HS3ST1: variants seen among roughly 807,000 people sequenced by gnomAD.
HS3ST1 encodes heparan sulfate glucosamine 3-O-sulfotransferase 1.
HS3ST1 carries 8 observed loss-of-function variants against 20.7 expected under a neutral mutation model. The ratio of observed to expected loss-of-function variants is 0.39; its 90% CI spans 0.23 to 0.70. HS3ST1 has a LOEUF of 0.70. Among genes scored for constraint, HS3ST1 ranks in the 30% least tolerant of loss-of-function variants. HS3ST1 has a pLI of 0.46. For synonymous variants in HS3ST1, 205 were observed against 190.4 expected (o/e 1.08, Z -0.63); for missense variants, 436 against 423.4 (o/e 1.03, Z -0.26).
chr4:11,398,787 T>C lies in HS3ST1; in HGVS notation c.*295A>G, dbSNP rs1463350462. On this transcript the variant is annotated 3_prime_UTR_variant, in exon 2 of 2. Transcript: ENST00000002596. ...CAAGTTAATTATATTCAAAAAAACATAGCGTCTCCAGAAAAAATCTTTTTT... is the reference window on the plus strand; with the variant it reads ...CAAGTTAATTATATTCAAAAAAACACAGCGTCTCCAGAAAAAATCTTTTTT... 6 of 226,460 alleles carry C rather than the reference T, an allele frequency of 2.6e-5. No homozygotes were observed. The highest frequency in any genetic ancestry group is 9.7e-5 in the East Asian group (1 of 10,302). 14.0% of individuals were successfully genotyped at this position (226,460 alleles called of 1,614,324 possible).
chr4:11,432,018 A>C (rs1719215148), upstream of HS3ST1, among the ~76,000 whole-genome samples: 1 of 152,212 alleles, frequency 6.6e-6, no homozygotes. Flanking sequence ...TCATTAGAGC[A>C]CTAGAGGAGG....
intron 1 of HS3ST1, among the ~76,000 whole-genome samples, chr4:11,410,908 A>C (rs1369790859): frequency 6.6e-6 from 1 of 152,010 alleles, no homozygotes; most frequent in Admixed American, 6.6e-5. Flanking sequence ...TAAATAAATA[A>C]ATAAATAAAT....
At chr4:11,420,305 A>C (rs1172456336) in intron 1 of HS3ST1, among the ~76,000 whole-genome samples, 1 of 152,258 alleles carries the variant, frequency 6.6e-6, no homozygotes, top group African/African-American at 2.4e-5. Context: ...CAACATTTTC[A>C]CAGCCCTCCT....
rs202015819 is a variant in HS3ST1, at chr4:11,399,414, C to T, written c.592G>A (p.Val198Met). Residue 198 changes from valine (V) to methionine (M), a missense_variant, in exon 2 of 2, where the codon GTG (valine) becomes ATG (methionine). Physicochemically the swap from Val to Met is conservative, Grantham distance 21 (BLOSUM62 1). Transcript: ENST00000002596. The surrounding 1 kb of genome is among the most constrained non-coding windows in gnomAD (Gnocchi z 5.1). Reference protein sequence around the residue: ...YKALNRSLYHVHMQNWLRFFP... With the variant: ...YKALNRSLYHMHMQNWLRFFP... ...AAGCGCAGCCAGTTCTGCATGTGCA[C>T]GTGGTAGAGGCTGCGGTTGAGGGCC... The T allele has an allele frequency of 1.9e-5, 31 of 1,613,966 alleles. No individual in the cohort carries two copies. The highest frequency in any genetic ancestry group is 1.7e-4 in the Middle Eastern group (1 of 6,060).
At chr4:11,418,050 T>C (rs960102293) in intron 1 of HS3ST1, among the ~76,000 whole-genome samples, 2 of 152,228 alleles carry the variant, frequency 1.3e-5, no homozygotes, top group Non-Finnish European at 2.9e-5. Context: ...GGGGAAAATA[T>C]TCTGGCATTT....
At chr4:11,424,050 A>C (rs1463825674) in intron 1 of HS3ST1, among the ~76,000 whole-genome samples, 1 of 151,650 alleles carries the variant, frequency 6.6e-6, no homozygotes, top group Non-Finnish European at 1.5e-5. Context: ...AAAAAAAAAA[A>C]AAAAAAAACA....
At chr4:11,402,808 G>C (rs1718359862) in intron 1 of HS3ST1, among the ~76,000 whole-genome samples, 1 of 152,182 alleles carries the variant, frequency 6.6e-6, no homozygotes, top group Non-Finnish European at 1.5e-5. Context: ...ACTCTAACCT[G>C]AGGCATCCTG....
intron 1 of HS3ST1, among the ~76,000 whole-genome samples, chr4:11,426,314 G>A (rs963659236): frequency 7.9e-5 from 12 of 151,250 alleles, no homozygotes; most frequent in Admixed American, 2.0e-4. Flanking sequence ...TCACCATCGA[G>A]TTTCAATTCA....
Position 11,399,271 on chromosome 4 carries a change from G to A in HS3ST1, c.735C>T (p.Asn245=). The A allele has an allele frequency of 6.2e-7, 1 of 1,614,174 alleles. No homozygotes were observed. Among genetic ancestry groups the A allele is most frequent in the Non-Finnish European group, 8.5e-7 (1 of 1,180,028 alleles). The stretch of plus-strand genomic sequence containing the variant: ...AGCCCTTGGTTTTGTTAAAGTAGAA[G>A]TTCGAAGCATTGATCTGCGGCGACA... ...LKLSPQINAS[N]FYFNKTKGFY... The change falls in exon 2 of 2, where the codon AAC becomes AAT. Residue 245 remains asparagine, a synonymous_variant. Transcript: ENST00000002596. The surrounding 1 kb of genome is among the most constrained non-coding windows in gnomAD (Gnocchi z 5.1).
At chr4:11,421,190 GA>G (rs199506397) in intron 1 of HS3ST1, among the ~76,000 whole-genome samples, 1 of 152,074 alleles carries the variant, frequency 6.6e-6, no homozygotes, top group Non-Finnish European at 1.5e-5. Flanking sequence ...CTAGAGTATG[GA>G]AAAAAACCGA....
chr4:11,411,360 T>A (rs184843660), intron 1 of HS3ST1, among the ~76,000 whole-genome samples: 1 of 152,360 alleles, frequency 6.6e-6, no homozygotes, highest in Admixed American at 6.5e-5. Flanking sequence ...CTGGCCCACA[T>A]ACATATACAC....
chr4:11,418,019 T>C (rs980117068), intron 1 of HS3ST1, among the ~76,000 whole-genome samples: 2 of 152,232 alleles, frequency 1.3e-5, no homozygotes, highest in Non-Finnish European at 2.9e-5. Context: ...TGTGACCTAG[T>C]TTTTGGCCAA....
At chr4:11,409,496 C>T (rs1718560698) in intron 1 of HS3ST1, among the ~76,000 whole-genome samples, 1 of 152,106 alleles carries the variant, frequency 6.6e-6, no homozygotes, top group Non-Finnish European at 1.5e-5. Flanking sequence ...AAACAGAGCT[C>T]ACTCTGTCTC....
rs1718078470 is a variant in HS3ST1 at position 11,394,208 on chromosome 4, T to G, written c.*4874A>C. The stretch of plus-strand genomic sequence containing the variant: ...CTGCCCATTTTTATGGAGAAGGAAA[T>G]GGAGGTTCTCAGAGTCTGAATCTAA... On this transcript the variant is annotated 3_prime_UTR_variant, in exon 2 of 2. Transcript: ENST00000002596. 1 of 152,190 alleles carries G rather than the reference T, an allele frequency of 6.6e-6. No homozygotes were observed. Among genetic ancestry groups the G allele is most frequent in the African/African-American group, 2.4e-5 (1 of 41,436 alleles). 9.4% of individuals were successfully genotyped at this position (152,190 alleles called of 1,614,324 possible). A position where few individuals can be genotyped will look rare whatever the true frequency, so the allele number is the denominator to read the frequency against.
chr4:11,416,046 A>G (rs1227790743), intron 1 of HS3ST1, among the ~76,000 whole-genome samples: 2 of 152,290 alleles, frequency 1.3e-5, no homozygotes, highest in East Asian at 1.9e-4. Context: ...GCTGATGCAC[A>G]TAAGAACTCC....
chr4:11,413,833 A>T (rs532058625), intron 1 of HS3ST1, among the ~76,000 whole-genome samples: 1 of 152,324 alleles, frequency 6.6e-6, no homozygotes, highest in Admixed American at 6.5e-5. Flanking sequence ...ACTTTATGAG[A>T]TAAGAAGAAG....
At chr4:11,422,197 G>A (rs1188694297) in intron 1 of HS3ST1, among the ~76,000 whole-genome samples, 3 of 152,148 alleles carry the variant, frequency 2.0e-5, no homozygotes, top group African/African-American at 7.2e-5. Context: ...TTTTGACTAC[G>A]TCTTATCATT....
At position 11,398,974 on chromosome 4, in the gene HS3ST1, G is replaced by A; in HGVS notation, c.*108C>T. 2.0e-6 allele frequency: 2 copies of A among 1,003,386 alleles called. No individual in the cohort carries two copies. Among genetic ancestry groups the A allele is most frequent in the South Asian group, 3.2e-5 (2 of 61,834 alleles). The allele number at this position is 1,003,386 out of a possible 1,614,324, so 62.2% of individuals were successfully genotyped here. ...TAATACTGTACAGAAGTACTTTATG[G>A]ATTTTACAAATAAATTATACCTTAA... On this transcript the variant is annotated 3_prime_UTR_variant, in exon 2 of 2. Coordinates refer to ENST00000002596, the MANE Select transcript of HS3ST1 (RefSeq NM_005114.4).
intron 1 of HS3ST1, among the ~76,000 whole-genome samples, chr4:11,418,247 A>T (rs1718838342): frequency 6.6e-6 from 1 of 152,316 alleles, no homozygotes; most frequent in East Asian, 1.9e-4. Context: ...AAGCAGCTAG[A>T]TCTATGATGA....
Sources: allele counts gnomAD v4.1 joint callset (sites outside exome capture counted in the v4.1 genomes callset), GRCh38; gene constraint gnomAD v4.1.1; non-coding constraint Gnocchi (gnomAD v3.1); transcripts MANE v1.5; gene names NCBI Gene and HGNC (gene_info 2026-07-23, HGNC 2026-07-21).